Variants in TNFSF4 observed in about 807,000 individuals in gnomAD.
TNFSF4 encodes the protein TNF superfamily member 4, also known as tumor necrosis factor ligand superfamily member 4.
A neutral mutation model predicts 7.3 loss-of-function variants in TNFSF4; 4 were observed. The observed-to-expected ratio is 0.55, with a 90% CI of 0.27 to 1.25. TNFSF4 has a LOEUF of 1.25. Ranked by LOEUF, TNFSF4 falls within the 50% of genes most tolerant of loss-of-function variation. The pLI is 0.12. For synonymous variants in TNFSF4, 76 were observed against 83.7 expected (o/e 0.91, Z 0.50); for missense variants, 181 against 208.8 (o/e 0.87, Z 0.82).
At chr1:173,339,204 C>A in the TNFSF4 span, among the ~76,000 whole-genome samples, 12 of 152,068 alleles carry the variant, frequency 7.9e-5, no homozygotes, top group South Asian at 1.5e-3. Flanking sequence ...CATAGCGAGA[C>A]CTCATCTCTA....
intron 2 of TNFSF4, 59 bp downstream of exon 2, chr1:173,188,462 A>G: frequency 1.5e-6 from 2 of 1,313,870 alleles, no homozygotes; most frequent in Non-Finnish European, 2.2e-6. Flanking sequence ...GGAAATTAAG[A>G]GACTGAAGAG....
At chr1:173,394,967 C>T in the TNFSF4 span, among the ~76,000 whole-genome samples, 11 of 141,514 alleles carry the variant, frequency 7.8e-5, no homozygotes, top group South Asian at 4.6e-4. Flanking sequence ...GACAGACAGA[C>T]AGATAGATAA....
the TNFSF4 span, among the ~76,000 whole-genome samples, chr1:173,357,931 T>A: frequency 6.6e-6 from 1 of 152,210 alleles, no homozygotes; most frequent in Non-Finnish European, 1.5e-5. Context: ...ATGACCATGG[T>A]AGACTGAAAA....
At chr1:173,304,933 A>C in the TNFSF4 span, among the ~76,000 whole-genome samples, 1 of 152,014 alleles carries the variant, frequency 6.6e-6, no homozygotes, top group East Asian at 1.9e-4. Flanking sequence ...GAAGAGTGTT[A>C]AAGAATTGGT....
the TNFSF4 span, among the ~76,000 whole-genome samples, chr1:173,213,212 G>T: frequency 6.6e-6 from 1 of 152,102 alleles, no homozygotes; most frequent in Non-Finnish European, 1.5e-5. Context: ...TATTCCATTT[G>T]GGTTTCAGAC....
At chr1:173,283,565 A>G in the TNFSF4 span, among the ~76,000 whole-genome samples, 7 of 152,180 alleles carry the variant, frequency 4.6e-5, no homozygotes, top group African/African-American at 1.4e-4. Context: ...TCAGCCAAGA[A>G]TTGTAGACTA....
chr1:173,435,791 T>C, the TNFSF4 span, among the ~76,000 whole-genome samples: 1 of 152,204 alleles, frequency 6.6e-6, no homozygotes, highest in Non-Finnish European at 1.5e-5. Flanking sequence ...AAAACTGTAG[T>C]CAATTATTTG....
At chr1:173,404,145 T>C in the TNFSF4 span, among the ~76,000 whole-genome samples, 1 of 152,212 alleles carries the variant, frequency 6.6e-6, no homozygotes, top group Non-Finnish European at 1.5e-5. Context: ...CATTGCTGAC[T>C]TATTGTGTGA....
the TNFSF4 span, among the ~76,000 whole-genome samples, chr1:173,217,047 G>A: frequency 1.3e-5 from 2 of 152,080 alleles, no homozygotes; most frequent in African/African-American, 4.8e-5. Context: ...GTTCAACCCT[G>A]TTTCTTACCA....
the TNFSF4 span, among the ~76,000 whole-genome samples, chr1:173,270,176 A>G: frequency 6.6e-6 from 1 of 152,168 alleles, no homozygotes; most frequent in Non-Finnish European, 1.5e-5. Flanking sequence ...TGAGAGGAGC[A>G]GATTTGGGGG....
chr1:173,340,305 T>G, the TNFSF4 span, among the ~76,000 whole-genome samples: 1 of 146,488 alleles, frequency 6.8e-6, no homozygotes. Flanking sequence ...AGCCAATTCC[T>G]TATGTATCTA....
chr1:173,200,593 T>C (rs144058812), intron 1 of TNFSF4, among the ~76,000 whole-genome samples: 2 of 152,366 alleles, frequency 1.3e-5, no homozygotes, highest in African/African-American at 4.8e-5. Context: ...ATACATGTTT[T>C]ATGACTTATT....
chr1:173,377,402 C>T, the TNFSF4 span, among the ~76,000 whole-genome samples: 2 of 152,170 alleles, frequency 1.3e-5, no homozygotes, highest in African/African-American at 4.8e-5. Context: ...TATACTTCTG[C>T]GCTGAGCCAA....
the TNFSF4 span, among the ~76,000 whole-genome samples, chr1:173,404,963 C>G: frequency 6.6e-6 from 1 of 152,102 alleles, no homozygotes; most frequent in Admixed American, 6.6e-5. Context: ...ATAACATCTT[C>G]CTTCTTTCCC....
At chr1:173,319,241 G>A in the TNFSF4 span, among the ~76,000 whole-genome samples, 6 of 152,126 alleles carry the variant, frequency 3.9e-5, no homozygotes, top group South Asian at 2.1e-4. Context: ...GGACTGGGCC[G>A]AATTCACCAC....
the TNFSF4 span, among the ~76,000 whole-genome samples, chr1:173,377,354 G>A: frequency 6.6e-6 from 1 of 152,138 alleles, no homozygotes; most frequent in South Asian, 2.1e-4. Context: ...TCTGGAAAAG[G>A]GCTCTCTAAC....
chr1:173,424,051 C>A, the TNFSF4 span, among the ~76,000 whole-genome samples: 3,790 of 152,214 alleles, frequency 0.025, 167 homozygotes, highest in African/African-American at 0.087. Flanking sequence ...CAGAAAAGAA[C>A]AAACACTCCC....
At chr1:173,368,351 C>G in the TNFSF4 span, among the ~76,000 whole-genome samples, 2 of 152,142 alleles carry the variant, frequency 1.3e-5, no homozygotes, top group Admixed American at 1.3e-4. Context: ...TTGAAGTCAG[C>G]GAGACCACAA....
At chr1:173,397,189 G>A in the TNFSF4 span, among the ~76,000 whole-genome samples, 1 of 152,134 alleles carries the variant, frequency 6.6e-6, no homozygotes, top group Non-Finnish European at 1.5e-5. Flanking sequence ...AAAAGTTCTA[G>A]GTTAAGTGAA....
Sources: gnomAD v4.1 joint callset for allele counts (sites outside exome capture counted in the v4.1 genomes callset) on GRCh38, gnomAD v4.1.1 for gene constraint, MANE v1.5 for transcripts, NCBI Gene and HGNC (gene_info 2026-07-23, HGNC 2026-07-21) for gene names.